MYOF: variants seen among roughly 807,000 people sequenced by gnomAD.
MYOF encodes the protein myoferlin, also known as fer-1-like 3, myoferlin.
Under a neutral mutation model 284.2 loss-of-function variants are expected in MYOF, and 244 were observed. The ratio of observed to expected loss-of-function variants is 0.86; its 90% CI spans 0.77 to 0.95. The LOEUF (loss-of-function observed/expected upper bound fraction) is 0.95. MYOF is among the 40% of genes least tolerant of loss of function. The pLI, the probability that MYOF is intolerant of heterozygous loss-of-function variation, is 0.00. For synonymous variants in MYOF, 904 were observed against 919.7 expected (o/e 0.98, Z 0.31); for missense variants, 2,496 against 2,560.6 (o/e 0.97, Z 0.54).
Position 93,353,891 on chromosome 10 carries a change from A to T in MYOF, c.3404-3T>A, listed in dbSNP as rs189795819. 1,454 of 1,599,964 alleles carry T rather than the reference A, an allele frequency of 9.1e-4. 1 individual carries two copies. Among genetic ancestry groups the T allele is most frequent in the Non-Finnish European group, 9.4e-4 (1,097 of 1,170,694 alleles). ...GCGCAGATGGTAGATGTAGACTCCT[A>T]AAAAAACAGGATAAAGATTACTTAC... is the stretch of plus-strand genomic sequence containing the variant. On this transcript the variant is annotated splice_region_variant and splice_polypyrimidine_tract_variant and intron_variant, in intron 31 of 53. Transcript: ENST00000359263.
intron 7 of MYOF, among the ~76,000 whole-genome samples, chr10:93,408,569 C>G (rs1287046476): frequency 6.6e-6 from 1 of 151,978 alleles, no homozygotes; most frequent in Non-Finnish European, 1.5e-5. Context: ...TTGTTACTTA[C>G]CTATTTCTCC....
chr10:93,362,264 G>A (rs752069406), intron 27 of MYOF, among the ~76,000 whole-genome samples: 13 of 134,000 alleles, frequency 9.7e-5, no homozygotes, highest in South Asian at 2.7e-4. Context: ...TGTTTTTTTT[G>A]AGACAGAGTT....
intron 7 of MYOF, among the ~76,000 whole-genome samples, chr10:93,408,447 G>A (rs979941148): frequency 1.3e-5 from 2 of 151,164 alleles, no homozygotes; most frequent in Non-Finnish European, 2.9e-5. Context: ...TGAGGCAGAA[G>A]AATCACTTGA....
Position 93,404,141 on chromosome 10 carries a change from A to C in MYOF, c.792+16T>G, listed in dbSNP as rs1385301338. 1 of 1,613,902 alleles carries C rather than the reference A, an allele frequency of 6.2e-7. No individual in the cohort carries two copies. The highest frequency in any genetic ancestry group is 1.1e-5 in the South Asian group (1 of 91,084). ...GGCAGTGAGTGAGCAGTACCTTCCT[A>C]CTTGCTGACCCTTACCCGGATGCTG... On this transcript the variant is annotated intron_variant, in intron 8 of 53. Transcript: ENST00000359263.
chr10:93,372,814 AT>A, intron 24 of MYOF, 115 bp downstream of exon 24: 1 of 1,273,782 alleles, frequency 7.9e-7, no homozygotes, highest in South Asian at 1.4e-5. Context: ...ATGGGCTAGA[AT>A]TGATCCCAAT....
At chr10:93,466,282 G>A (rs1478110797) in intron 1 of MYOF, among the ~76,000 whole-genome samples, 1 of 152,114 alleles carries the variant, frequency 6.6e-6, no homozygotes, top group African/African-American at 2.4e-5. Flanking sequence ...AGGCATTTTG[G>A]GCAAGTGGCA....
intron 5 of MYOF, among the ~76,000 whole-genome samples, chr10:93,418,835 C>T (rs915977447): frequency 1.3e-5 from 2 of 152,164 alleles, no homozygotes; most frequent in Non-Finnish European, 2.9e-5. Context: ...TTATGATGAG[C>T]ACTTTGATTT....
chr10:93,383,079 A>G (rs1411727154), intron 19 of MYOF, among the ~76,000 whole-genome samples: 1 of 152,038 alleles, frequency 6.6e-6, no homozygotes, highest in Non-Finnish European at 1.5e-5. Flanking sequence ...TATTTTTAGT[A>G]GACACGGGGT....
chr10:93,415,189 AC>A (rs1377993609), intron 5 of MYOF, among the ~76,000 whole-genome samples: 1 of 151,526 alleles, frequency 6.6e-6, no homozygotes, highest in Non-Finnish European at 1.5e-5. Flanking sequence ...AGATCCTGCC[AC>A]CTAACACTGC....
intron 51 of MYOF, among the ~76,000 whole-genome samples, chr10:93,311,588 C>CT (rs1364244815): frequency 2.7e-5 from 4 of 147,914 alleles, no homozygotes; most frequent in South Asian, 4.3e-4. Context: ...GACTTCATCT[C>CT]TAAAAAAAAA....
At chr10:93,433,654 T>C (rs1848972698) in intron 3 of MYOF, among the ~76,000 whole-genome samples, 1 of 152,258 alleles carries the variant, frequency 6.6e-6, no homozygotes, top group South Asian at 2.1e-4. Context: ...TATGTAACTC[T>C]GGGCTTTTGG....
At chr10:93,331,391 CAGA>C (rs2133805984) in intron 43 of MYOF, among the ~76,000 whole-genome samples, 1 of 152,308 alleles carries the variant, frequency 6.6e-6, no homozygotes, top group African/African-American at 2.4e-5. Flanking sequence ...ATTGGCCGAG[CAGA>C]GCCTACAGCA....
At chr10:93,377,271 C>G in intron 22 of MYOF, 52 bp downstream of exon 22, 1 of 1,238,094 alleles carries the variant, frequency 8.1e-7, no homozygotes. Flanking sequence ...CTTAGAATTT[C>G]AGGGAGGAGC....
intron 17 of MYOF, 37 bp downstream of exon 17, chr10:93,392,880 G>A (rs981227455): frequency 1.9e-6 from 3 of 1,568,414 alleles, no homozygotes; most frequent in Non-Finnish European, 8.8e-7. Flanking sequence ...TATTAGCTAG[G>A]AAGATATAAC....
In MYOF at chr10:93,333,764, ATTG is replaced by A. The variant is rs1843459218; in HGVS notation, c.4710_4712del (p.Asn1571del). The A allele has an allele frequency of 2.5e-6, 4 of 1,614,006 alleles. No homozygotes were observed. The highest frequency in any genetic ancestry group is 2.5e-6 in the Non-Finnish European group (3 of 1,179,998). The stretch of plus-strand genomic sequence containing the variant: ...CCCACACCCAAACTCTTACCAGGCC[ATTG>A]TTGTCCTGGGGCTGGAGCTCTAAGC... On this transcript the variant is annotated inframe_deletion, in exon 42 of 54. Coordinates refer to ENST00000359263, the MANE Select transcript of MYOF (RefSeq NM_013451.4).
At position 93,391,551 on chromosome 10, in the gene MYOF, T is replaced by A. The variant is rs909647768; in HGVS notation, c.1456+1366A>T. Among the ~76,000 whole-genome samples, 18 of 151,734 alleles carry A rather than the reference T, an allele frequency of 1.2e-4. 1 individual carries two copies. Among genetic ancestry groups the A allele is most frequent in the African/African-American group, 4.4e-4 (18 of 41,278 alleles). On this transcript the variant is annotated intron_variant, in intron 17 of 53. Transcript: ENST00000359263. Reference sequence around the variant, plus strand: ...TGTAGGTTGCAGCGAACCAAGATCATGCCATTGCACTCCAGCCTGGTTGAC... The same window carrying A: ...TGTAGGTTGCAGCGAACCAAGATCAAGCCATTGCACTCCAGCCTGGTTGAC...
chr10:93,407,022 A>G (rs1776073), intron 7 of MYOF, among the ~76,000 whole-genome samples: 82,859 of 151,838 alleles, frequency 0.55, 26,925 homozygotes, highest in South Asian at 0.71. Context: ...TAAATATATC[A>G]TTTCTCCCCA....
chr10:93,437,411 T>C (rs1489140690), intron 3 of MYOF, among the ~76,000 whole-genome samples: 1 of 152,146 alleles, frequency 6.6e-6, no homozygotes, highest in Non-Finnish European at 1.5e-5. Flanking sequence ...GGCTGACTCT[T>C]ACTCAGGGGA....
intron 19 of MYOF, among the ~76,000 whole-genome samples, chr10:93,386,688 G>A (rs1436589277): frequency 6.6e-6 from 1 of 152,228 alleles, no homozygotes; most frequent in Non-Finnish European, 1.5e-5. Context: ...GACTGCTTTG[G>A]ATGCTAACCT....
Sources: gnomAD v4.1 joint callset for allele counts (sites outside exome capture counted in the v4.1 genomes callset) on GRCh38, gnomAD v4.1.1 for gene constraint, MANE v1.5 for transcripts, NCBI Gene and HGNC (gene_info 2026-07-23, HGNC 2026-07-21) for gene names.